BMP6: variants seen among roughly 807,000 people sequenced by gnomAD.
BMP6 encodes bone morphogenetic protein 6.
Under a neutral mutation model 54.1 loss-of-function variants are expected in BMP6, and 17 were observed. That is an observed-to-expected ratio of 0.31 (90% CI 0.22 to 0.47). The LOEUF (loss-of-function observed/expected upper bound fraction) is 0.47, where lower values mean the gene tolerates loss of function less well. Ranked by LOEUF, BMP6 falls within the 20% of genes least tolerant of loss-of-function variation. The probability of loss-of-function intolerance (pLI) is 1.00; values close to 1 mark genes in which losing one functional copy is unlikely to be tolerated. For missense variants in BMP6, 720 were observed against 690.4 expected (o/e 1.04, Z -0.48); for synonymous variants, 328 against 291.2 (o/e 1.13, Z -1.28).
intron 1 of BMP6, among the ~76,000 whole-genome samples, chr6:7,835,951 C>G (rs1174909633): frequency 6.6e-6 from 1 of 152,060 alleles, no homozygotes; most frequent in Admixed American, 6.5e-5. Context: ...ATTCTCCTGC[C>G]TCAGCCTCGC....
chr6:7,859,911 AG>A (rs1759308271), intron 2 of BMP6, among the ~76,000 whole-genome samples: 1 of 152,190 alleles, frequency 6.6e-6, no homozygotes, highest in Non-Finnish European at 1.5e-5. Context: ...CCATGGAGGC[AG>A]GAGAAACTGT....
chr6:7,748,662 G>C (rs1333937674), intron 1 of BMP6, among the ~76,000 whole-genome samples: 1 of 152,202 alleles, frequency 6.6e-6, no homozygotes, highest in African/African-American at 2.4e-5. Context: ...CCTACAGTCA[G>C]CTTCTGACTG....
intron 1 of BMP6, among the ~76,000 whole-genome samples, chr6:7,758,800 C>A (rs560824551): frequency 1.3e-5 from 2 of 152,232 alleles, no homozygotes; most frequent in Admixed American, 6.5e-5. Context: ...CTCTCCACCC[C>A]CTTCCACATG....
At chr6:7,849,667 T>A (rs1168285064) in intron 2 of BMP6, among the ~76,000 whole-genome samples, 5 of 152,230 alleles carry the variant, frequency 3.3e-5, no homozygotes, top group African/African-American at 7.2e-5. Flanking sequence ...CTGTTGTAAT[T>A]GAATTTTGTA....
intron 1 of BMP6, among the ~76,000 whole-genome samples, chr6:7,745,680 T>C (rs1167291646): frequency 6.6e-6 from 1 of 152,082 alleles, no homozygotes; most frequent in Non-Finnish European, 1.5e-5. Context: ...TGGTGAGTAC[T>C]GGCTGCAGTA....
chr6:7,850,216 C>T (rs1759122535), intron 2 of BMP6, among the ~76,000 whole-genome samples: 1 of 152,102 alleles, frequency 6.6e-6, no homozygotes, highest in Admixed American at 6.5e-5. Context: ...GATCTCGGCT[C>T]ACTGCAAGCT....
At chr6:7,796,043 T>C (rs1758185635) in intron 1 of BMP6, among the ~76,000 whole-genome samples, 1 of 152,150 alleles carries the variant, frequency 6.6e-6, no homozygotes, top group South Asian at 2.1e-4. Flanking sequence ...ATTGGAAGTC[T>C]ATAGCCTGGA....
At chr6:7,837,238 AG>A (rs1758889959) in intron 1 of BMP6, among the ~76,000 whole-genome samples, 1 of 152,188 alleles carries the variant, frequency 6.6e-6, no homozygotes. Flanking sequence ...AGTTTGAGAT[AG>A]GCAGTGTCTT....
chr6:7,732,762 G>T (rs1043618004), intron 1 of BMP6, among the ~76,000 whole-genome samples: 1 of 152,288 alleles, frequency 6.6e-6, no homozygotes, highest in East Asian at 1.9e-4. Flanking sequence ...TCCTATTTAC[G>T]AAGGTGAGTT....
intron 4 of BMP6, among the ~76,000 whole-genome samples, chr6:7,863,054 A>T (rs1215537119): frequency 6.6e-6 from 1 of 152,110 alleles, no homozygotes; most frequent in Non-Finnish European, 1.5e-5. Context: ...GCTGGAGTGC[A>T]GTGGCACGGT....
chr6:7,786,985 C>G (rs1037748844), intron 1 of BMP6, among the ~76,000 whole-genome samples: 13 of 152,254 alleles, frequency 8.5e-5, no homozygotes, highest in African/African-American at 3.1e-4. Flanking sequence ...TTTTCACATC[C>G]TTCTTTCTCA....
At chr6:7,740,135 G>A (rs1477428874) in intron 1 of BMP6, among the ~76,000 whole-genome samples, 1 of 152,144 alleles carries the variant, frequency 6.6e-6, no homozygotes, top group Admixed American at 6.5e-5. Flanking sequence ...TCAGGATGAT[G>A]GGCAGGTACC....
intron 1 of BMP6, among the ~76,000 whole-genome samples, chr6:7,815,109 C>G (rs1302364877): frequency 6.6e-6 from 1 of 152,144 alleles, no homozygotes; most frequent in Non-Finnish European, 1.5e-5. Context: ...TTTCTGGGAT[C>G]CCTTCTCTCA....
At chr6:7,783,109 G>A (rs1362306344) in intron 1 of BMP6, among the ~76,000 whole-genome samples, 3 of 152,154 alleles carry the variant, frequency 2.0e-5, no homozygotes, top group Non-Finnish European at 2.9e-5. Flanking sequence ...GTGAAGGAGA[G>A]GAGAGAGAAA....
At chr6:7,822,627 T>G (rs367724088) in intron 1 of BMP6, among the ~76,000 whole-genome samples, 1 of 152,122 alleles carries the variant, frequency 6.6e-6, no homozygotes, top group South Asian at 2.1e-4. Flanking sequence ...GAGGTCTCCA[T>G]CCTCTTCTTA....
Position 7,862,369 on chromosome 6 carries a change from A to G in BMP6, c.1075A>G (p.Met359Val), listed in dbSNP as rs750566584. 14 of 1,614,192 alleles carry G rather than the reference A, an allele frequency of 8.7e-6. No individual in the cohort carries two copies. The highest frequency in any genetic ancestry group is 1.2e-5 in the Non-Finnish European group (14 of 1,180,022). Reference sequence around the variant, plus strand: ...CGGCCCTTACGACAAGCAGCCCTTCATGGTGGCTTTCTTCAAAGTGAGTGA... The same window carrying G: ...CGGCCCTTACGACAAGCAGCCCTTCGTGGTGGCTTTCTTCAAAGTGAGTGA... The part of the protein sequence containing the change: ...RDGPYDKQPF[M>V]VAFFKVSEVH... The change falls in exon 4 of 7, where the codon ATG (methionine) becomes GTG (valine). Residue 359 changes from methionine (M) to valine (V), a missense_variant. Around this residue, in one of 3 missense-constraint regions of BMP6, gnomAD observed 650 missense variants for 556.3 expected, o/e 1.17. Coordinates refer to ENST00000283147, the MANE Select transcript of BMP6 (RefSeq NM_001718.6).
chr6:7,795,210 G>A (rs1477516449), intron 1 of BMP6, among the ~76,000 whole-genome samples: 2 of 152,164 alleles, frequency 1.3e-5, no homozygotes, highest in Non-Finnish European at 2.9e-5. Context: ...CACAAGGGCA[G>A]ACAATTTTCA....
rs534124213 is a variant in BMP6 at position 7,759,705 on chromosome 6, T to C, written c.664+32086T>C. Among the ~76,000 whole-genome samples the C allele has an allele frequency of 7.4e-3, 952 of 129,306 alleles. 12 individuals are homozygous for C. Among genetic ancestry groups the C allele is most frequent in the South Asian group, 0.022 (84 of 3,814 alleles). The allele number at this position is 129,306 out of a possible 152,430, so 84.8% of individuals were successfully genotyped here. Reference sequence around the variant, plus strand: ...TAATTTCTTTCTTCTTCTTTTTTTTTTTTTTTTTTTTTTTTGGAGACTGAA... The same window carrying C: ...TAATTTCTTTCTTCTTCTTTTTTTTCTTTTTTTTTTTTTTTGGAGACTGAA... On this transcript the variant is annotated intron_variant, in intron 1 of 6. Coordinates refer to ENST00000283147, the MANE Select transcript of BMP6 (RefSeq NM_001718.6).
chr6:7,867,770 TA>T (rs1345623977), intron 4 of BMP6, among the ~76,000 whole-genome samples: 2 of 152,190 alleles, frequency 1.3e-5, no homozygotes, highest in Non-Finnish European at 2.9e-5. Flanking sequence ...AATAGTGATC[TA>T]AAAGTTAGAA....
Sources: allele counts gnomAD v4.1 joint callset (sites outside exome capture counted in the v4.1 genomes callset), GRCh38; gene constraint gnomAD v4.1.1; regional missense constraint gnomAD v4.1.1; transcripts MANE v1.5; gene names NCBI Gene and HGNC (gene_info 2026-07-23, HGNC 2026-07-21).